Variants in HID1 observed in about 807,000 individuals in gnomAD.
HID1 encodes the protein HID1 domain containing.
Under a neutral mutation model 89.7 loss-of-function variants are expected in HID1, and 42 were observed. The observed-to-expected ratio is 0.47, with a 90% CI of 0.37 to 0.61. HID1 has a LOEUF of 0.61. Among genes scored for constraint, HID1 ranks in the 20% least tolerant of loss-of-function variants. The pLI is 0.00. For synonymous variants in HID1, 442 were observed against 433.8 expected (o/e 1.02, Z -0.24); for missense variants, 854 against 1,039.3 (o/e 0.82, Z 2.45).
chr17:74,958,832 G>A lies in HID1; in HGVS notation c.1150-69C>T. 6.3e-7 allele frequency: 1 copy of A among 1,591,122 alleles called. No homozygotes were observed. The highest frequency in any genetic ancestry group is 8.6e-7 in the Non-Finnish European group (1 of 1,167,046). ...GGGCAGCTCTGCCCCACCCCCCTCA[G>A]TCTGACACTGTCCCTGCCCCCGGGT... On this transcript the variant is annotated intron_variant, in intron 9 of 18. Transcript: ENST00000425042. This position sits in a 1 kb window ranked among gnomAD's most constrained non-coding sequence, Gnocchi z 5.2.
chr17:74,964,379 G>A (rs985330711), intron 2 of HID1, 104 bp downstream of exon 2: 1 of 1,310,158 alleles, frequency 7.6e-7, no homozygotes, highest in Non-Finnish European at 1.0e-6. Flanking sequence ...TGAGGCCACA[G>A]GGCTGCCTGC....
chr17:74,954,679 C>T (rs1236047427), intron 13 of HID1: 1 of 425,090 alleles, frequency 2.4e-6, no homozygotes, highest in African/African-American at 2.0e-5. Context: ...AGCATGGCAG[C>T]ATCCACGTCA....
Position 74,958,279 on chromosome 17 carries a change from G to T in HID1, c.1392+48C>A. 3 of 1,610,358 alleles carry T rather than the reference G, an allele frequency of 1.9e-6. No individual in the cohort carries two copies. The highest frequency in any genetic ancestry group is 2.5e-6 in the Non-Finnish European group (3 of 1,178,384). On this transcript the variant is annotated intron_variant, in intron 11 of 18. Coordinates refer to ENST00000425042, the MANE Select transcript of HID1 (RefSeq NM_030630.3). This position sits in a 1 kb window ranked among gnomAD's most constrained non-coding sequence, Gnocchi z 5.2. ...CCGCTGCCTCCAGACTCAGCCAAGA[G>T]GACACCACCCCTGCACCTCCTGGGC...
intron 1 of HID1, among the ~76,000 whole-genome samples, chr17:74,966,894 G>A (rs970987016): frequency 6.6e-6 from 1 of 152,138 alleles, no homozygotes; most frequent in African/African-American, 2.4e-5. Flanking sequence ...GCAGTAAGCT[G>A]TGATGGCACC....
At position 74,959,959 on chromosome 17, in the gene HID1, G is replaced by C. The variant is rs2039452921; in HGVS notation, c.952-22C>G. 3 of 1,613,512 alleles carry C rather than the reference G, an allele frequency of 1.9e-6. No individual in the cohort carries two copies. The South Asian group carries it at 3.3e-5, about 18-fold the overall frequency. ...GAGGCTGCCAAGAGGAGAAGCCCCT[G>C]GTGAGCAGGCGTCCTCCCCACAACC... On this transcript the variant is annotated intron_variant, in intron 7 of 18. Transcript: ENST00000425042. The surrounding 1 kb of genome is among the most constrained non-coding windows in gnomAD (Gnocchi z 4.6).
At chr17:74,954,566 A>C in intron 13 of HID1, 1 of 899,562 alleles carries the variant, frequency 1.1e-6, no homozygotes, top group South Asian at 1.7e-5. Context: ...CTATCCCAGA[A>C]TGTCAGGCCT....
Position 74,963,077 on chromosome 17 carries a change from C to T in HID1, c.392G>A (p.Gly131Glu), listed in dbSNP as rs774103506. 1 of 1,603,706 alleles carries T rather than the reference C, an allele frequency of 6.2e-7. No homozygotes were observed. The highest frequency in any genetic ancestry group is 8.5e-7 in the Non-Finnish European group (1 of 1,174,508). Reference sequence around the variant, plus strand: ...CCTGGCATGCTCATCATCCTCTTCTCCCTGCTGGGGACACAGCACCCACAG... The same window carrying T: ...CCTGGCATGCTCATCATCCTCTTCTTCCTGCTGGGGACACAGCACCCACAG... ...TVPGAGRGGQ[G>E]EEDDEHARPL... Residue 131 changes from glycine (G) to glutamate (E), a missense_variant, in exon 4 of 19, where the codon GGA becomes GAA. Coordinates refer to ENST00000425042, the MANE Select transcript of HID1 (RefSeq NM_030630.3).
intron 1 of HID1, among the ~76,000 whole-genome samples, chr17:74,969,828 T>G (rs912149613): frequency 6.6e-6 from 1 of 150,950 alleles, no homozygotes; most frequent in African/African-American, 2.4e-5. Context: ...CTCAAACTCC[T>G]GGGCTCAAGC....
rs572437046 is a variant in HID1 at position 74,956,065 on chromosome 17, C to A, written c.1472-109G>T. The A allele has an allele frequency of 7.0e-6, 8 of 1,147,482 alleles. No individual in the cohort carries two copies. The African/African-American group carries it at 9.3e-5, about 13-fold the overall frequency. The allele number at this position is 1,147,482 out of a possible 1,614,324, so 71.1% of individuals were successfully genotyped here. A position where few individuals can be genotyped will look rare whatever the true frequency, so the allele number is the denominator to read the frequency against. ...CCTGCTCTCAATCCCTCCCTGCCCC[C>A]TGCAGAGCCAGGACGACCAAGGCCC... is the stretch of plus-strand genomic sequence containing the variant. On this transcript the variant is annotated intron_variant, in intron 12 of 18. Coordinates refer to ENST00000425042, the MANE Select transcript of HID1 (RefSeq NM_030630.3).
At position 74,962,906 on chromosome 17, in the gene HID1, G is replaced by A; in HGVS notation, c.504+59C>T. 8 of 1,321,080 alleles carry A rather than the reference G, an allele frequency of 6.1e-6. No individual in the cohort carries two copies. Among genetic ancestry groups the A allele is most frequent in the African/African-American group, 4.4e-5 (3 of 68,388 alleles). 81.8% of individuals were successfully genotyped at this position (1,321,080 alleles called of 1,614,324 possible). A position where few individuals can be genotyped will look rare whatever the true frequency, so the allele number is the denominator to read the frequency against. On this transcript the variant is annotated intron_variant, in intron 4 of 18. Transcript: ENST00000425042. This position sits in a 1 kb window ranked among gnomAD's most constrained non-coding sequence, Gnocchi z 4.3. ...GCCCAAGGGAACTTCAACTGGCCCGGCCCCAACCCAGGACCAGAGCCTACT... is the reference window on the plus strand; with the variant it reads ...GCCCAAGGGAACTTCAACTGGCCCGACCCCAACCCAGGACCAGAGCCTACT...
In HID1 at chr17:74,958,290, C is replaced by T; in HGVS notation, c.1392+37G>A. 1 of 1,610,870 alleles carries T rather than the reference C, an allele frequency of 6.2e-7. No homozygotes were observed. Among genetic ancestry groups the T allele is most frequent in the African/African-American group, 1.3e-5 (1 of 74,984 alleles). ...AGACTCAGCCAAGAGGACACCACCC[C>T]TGCACCTCCTGGGCCCGGCCGCACG... On this transcript the variant is annotated intron_variant, in intron 11 of 18. Coordinates refer to ENST00000425042, the MANE Select transcript of HID1 (RefSeq NM_030630.3). The surrounding 1 kb of genome is among the most constrained non-coding windows in gnomAD (Gnocchi z 5.2).
chr17:74,970,028 TGCCTCA>T (rs1435573933), intron 1 of HID1, among the ~76,000 whole-genome samples: 1 of 149,520 alleles, frequency 6.7e-6, no homozygotes, highest in East Asian at 2.0e-4. Context: ...GCGATTCTAC[TGCCTCA>T]GCCTCCCGAG....
Position 74,958,223 on chromosome 17 carries a change from T to C in HID1, c.1393-4A>G. 1 of 1,610,218 alleles carries C rather than the reference T, an allele frequency of 6.2e-7. No homozygotes were observed. Among genetic ancestry groups the C allele is most frequent in the Non-Finnish European group, 8.5e-7 (1 of 1,178,424 alleles). On this transcript the variant is annotated splice_region_variant and splice_polypyrimidine_tract_variant and intron_variant, in intron 11 of 18. Coordinates refer to ENST00000425042, the MANE Select transcript of HID1 (RefSeq NM_030630.3). The surrounding 1 kb of genome is among the most constrained non-coding windows in gnomAD (Gnocchi z 5.2). ...TGGTGATGATCTTGTGGAACACCTG[T>C]GCCAGGAGGGACAGAGGCACCGTGG... is the stretch of plus-strand genomic sequence containing the variant.
In HID1 at chr17:74,962,948, G is replaced by C. The variant is rs768387132; in HGVS notation, c.504+17C>G. The stretch of plus-strand genomic sequence containing the variant: ...GAGCCTACTCCGCCTGGGGGTGGGG[G>C]GCTGGGGGACACTCACCACAGTGCT... On this transcript the variant is annotated intron_variant, in intron 4 of 18. Transcript: ENST00000425042. This position sits in a 1 kb window ranked among gnomAD's most constrained non-coding sequence, Gnocchi z 4.3. The C allele has an allele frequency of 1.5e-5, 24 of 1,575,918 alleles. No individual in the cohort carries two copies. Among genetic ancestry groups the C allele is most frequent in the Non-Finnish European group, 1.9e-5 (22 of 1,148,254 alleles).
chr17:74,965,166 C>T (rs1158136113), intron 1 of HID1, among the ~76,000 whole-genome samples: 2 of 152,338 alleles, frequency 1.3e-5, no homozygotes, highest in South Asian at 2.1e-4. Flanking sequence ...GCTCTCTGAC[C>T]CCAACACGCC....
At chr17:74,954,971 T>C (rs2039366784) in intron 13 of HID1, 1 of 160,592 alleles carries the variant, frequency 6.2e-6, no homozygotes, top group African/African-American at 2.4e-5. Flanking sequence ...TAATAGAAAC[T>C]GATCATTTTT....
In HID1 at chr17:74,954,295, C is replaced by T. The variant is rs1434957224; in HGVS notation, c.1707G>A (p.Thr569=). 9.4e-6 allele frequency: 15 copies of T among 1,587,450 alleles called. No individual in the cohort carries two copies. Among genetic ancestry groups the T allele is most frequent in the East Asian group, 4.6e-5 (2 of 43,608 alleles). Reference sequence around the variant, plus strand: ...GGGCCTTGTGAATGGTGGGCGGGTCCGTGGGCAGGTTGGCCAGCTGGTGGA... The same window carrying T: ...GGGCCTTGTGAATGGTGGGCGGGTCTGTGGGCAGGTTGGCCAGCTGGTGGA... The part of the protein sequence containing the change: ...SIFHQLANLP[T]DPPTIHKALQ... Residue 569 remains threonine, a synonymous_variant, in exon 14 of 19, where the codon ACG becomes ACA. Transcript: ENST00000425042.
intron 2 of HID1, 115 bp downstream of exon 2, chr17:74,964,368 G>T: frequency 8.5e-7 from 1 of 1,171,924 alleles, no homozygotes; most frequent in Non-Finnish European, 1.2e-6. Flanking sequence ...GAAGAGCTGA[G>T]TGAGGCCACA....
In HID1 at chr17:74,959,948, G is replaced by T; in HGVS notation, c.952-11C>A. On this transcript the variant is annotated splice_polypyrimidine_tract_variant and intron_variant, in intron 7 of 18. Transcript: ENST00000425042. This position sits in a 1 kb window ranked among gnomAD's most constrained non-coding sequence, Gnocchi z 4.6. ...CTCAGGGCCTGGAGGCTGCCAAGAGGAGAAGCCCCTGGTGAGCAGGCGTCC... is the reference window on the plus strand; with the variant it reads ...CTCAGGGCCTGGAGGCTGCCAAGAGTAGAAGCCCCTGGTGAGCAGGCGTCC... 6.2e-7 allele frequency: 1 copy of T among 1,613,668 alleles called. No homozygotes were observed. The highest frequency in any genetic ancestry group is 8.5e-7 in the Non-Finnish European group (1 of 1,180,034).
Sources: gnomAD v4.1 joint callset for allele counts (sites outside exome capture counted in the v4.1 genomes callset) on GRCh38, gnomAD v4.1.1 for gene constraint, Gnocchi (gnomAD v3.1) non-coding constraint, MANE v1.5 for transcripts, NCBI Gene and HGNC (gene_info 2026-07-23, HGNC 2026-07-21) for gene names.